Variants in DBF4B observed in about 807,000 individuals in gnomAD.
DBF4B encodes protein DBF4 homolog B.
In DBF4B, 49 loss-of-function variants were observed where a neutral mutation model predicts 53.4. The observed-to-expected ratio is 0.92, with a 90% CI of 0.73 to 1.16. The LOEUF is 1.16. DBF4B is among the 50% of genes most tolerant of loss of function. The probability of loss-of-function intolerance (pLI) is 0.00; values close to 1 mark genes in which losing one functional copy is unlikely to be tolerated. For synonymous variants in DBF4B, 257 were observed against 288.7 expected (o/e 0.89, Z 1.11); for missense variants, 692 against 775.0 (o/e 0.89, Z 1.27).
At chr17:44,750,526 T>C in intron 13 of DBF4B, 69 bp from the exon 14 acceptor site, 1 of 1,513,868 alleles carries the variant, frequency 6.6e-7, no homozygotes, top group Non-Finnish European at 8.8e-7. Flanking sequence ...TGTAAATAAA[T>C]TTGTTAATTA....
chr17:44,733,863 A>C (rs1045571078), intron 6 of DBF4B: 6 of 553,242 alleles, frequency 1.1e-5, no homozygotes, highest in Admixed American at 3.1e-5. Context: ...TCAATGCTGC[A>C]AAAGAGCATG....
intron 6 of DBF4B, chr17:44,733,803 A>G (rs1197605299): frequency 5.1e-6 from 2 of 394,746 alleles, no homozygotes; most frequent in East Asian, 4.7e-5. Flanking sequence ...GTGGTGCCTT[A>G]AAGTCCTTAG....
intron 9 of DBF4B, among the ~76,000 whole-genome samples, chr17:44,740,060 C>A (rs1218133709): frequency 6.6e-6 from 1 of 152,116 alleles, no homozygotes; most frequent in Non-Finnish European, 1.5e-5. Flanking sequence ...CAGTGCCCAG[C>A]CTCTTGTGAT....
Position 44,752,096 on chromosome 17 carries a change from C to T in DBF4B, c.*843C>T, listed in dbSNP as rs2049288196. ...CAGATGTGACCGATTGGTAGCTCCACCCCAACTCCCTTCTGCTGGGTGGAA... is the reference window on the plus strand; with the variant it reads ...CAGATGTGACCGATTGGTAGCTCCATCCCAACTCCCTTCTGCTGGGTGGAA... On this transcript the variant is annotated 3_prime_UTR_variant, in exon 14 of 14. Transcript: ENST00000315005. 2.7e-6 allele frequency: 3 copies of T among 1,098,690 alleles called. No individual in the cohort carries two copies. Among genetic ancestry groups the T allele is most frequent in the African/African-American group, 1.5e-5 (1 of 64,614 alleles). The allele number at this position is 1,098,690 out of a possible 1,614,324, so 68.1% of individuals were successfully genotyped here.
At chr17:44,723,076 A>C in intron 3 of DBF4B, 54 bp downstream of exon 3, 1 of 1,603,888 alleles carries the variant, frequency 6.2e-7, no homozygotes, top group Non-Finnish European at 8.5e-7. Context: ...GGCTTAGAGC[A>C]GGAGTTGGAT....
Position 44,751,415 on chromosome 17 carries a change from G to A in DBF4B, c.*162G>A. On this transcript the variant is annotated 3_prime_UTR_variant, in exon 14 of 14. Coordinates refer to ENST00000315005, the MANE Select transcript of DBF4B (RefSeq NM_145663.3). ...AGATGACTTTTACCCAGACCCAGTG[G>A]GCATTGCCTTATCTTGCAGTCAGTC... 7.0e-7 allele frequency: 1 copy of A among 1,429,590 alleles called. No homozygotes were observed. The highest frequency in any genetic ancestry group is 1.5e-5 in the South Asian group (1 of 64,954). The allele number at this position is 1,429,590 out of a possible 1,614,324, so 88.6% of individuals were successfully genotyped here.
chr17:44,725,621 T>C (rs941427290), intron 3 of DBF4B, among the ~76,000 whole-genome samples: 2 of 151,056 alleles, frequency 1.3e-5, no homozygotes, highest in Admixed American at 6.6e-5. Context: ...TCCTTGATAC[T>C]CCTAGCCCTT....
chr17:44,738,817 ACAT>A (rs1394437010), intron 9 of DBF4B, among the ~76,000 whole-genome samples: 1 of 152,208 alleles, frequency 6.6e-6, no homozygotes, highest in Non-Finnish European at 1.5e-5. Flanking sequence ...ATAGTCCAAG[ACAT>A]CATCTTGGCT....
In DBF4B at chr17:44,750,966, C is replaced by G. The variant is rs776801174; in HGVS notation, c.1561C>G (p.Leu521Val). 6.2e-7 allele frequency: 1 copy of G among 1,614,180 alleles called. No individual in the cohort carries two copies. Among genetic ancestry groups the G allele is most frequent in the South Asian group, 1.1e-5 (1 of 91,082 alleles). The change falls in exon 14 of 14, where the codon CTC becomes GTC. Residue 521 changes from leucine to valine, a missense_variant. Leu to Val is a conservative substitution (Grantham distance 32). Coordinates refer to ENST00000315005, the MANE Select transcript of DBF4B (RefSeq NM_145663.3). ...RPFPFVTWGC[L>V]IPHDTTPLHE... ...CTTTCCTTTTGTGACATGGGGTTGC[C>G]TCATTCCCCATGACACCACCCCTCT...
chr17:44,709,086 G>A (rs920929214), intron 1 of DBF4B: 11 of 803,012 alleles, frequency 1.4e-5, no homozygotes, highest in Non-Finnish European at 2.1e-5. Context: ...TGGCCAAGAG[G>A]TCACGGCCGT....
Position 44,747,522 on chromosome 17 carries a change from G to C in DBF4B, c.1064+7G>C, listed in dbSNP as rs1244643204. 1 of 1,613,250 alleles carries C rather than the reference G, an allele frequency of 6.2e-7. No individual in the cohort carries two copies. The highest frequency in any genetic ancestry group is 8.5e-7 in the Non-Finnish European group (1 of 1,179,960). On this transcript the variant is annotated splice_region_variant and intron_variant, in intron 12 of 13. Transcript: ENST00000315005. ...TCCAGGCTGGCCTCCCCAGGTGAGT[G>C]CCACGCTGGCAGGCACAACTGTGTC...
At chr17:44,709,431 C>A in intron 2 of DBF4B, 65 bp downstream of exon 2, 1 of 1,538,238 alleles carries the variant, frequency 6.5e-7, no homozygotes, top group South Asian at 1.1e-5. Context: ...TGGAGAAGAC[C>A]GAAAAATGTT....
intron 10 of DBF4B, among the ~76,000 whole-genome samples, chr17:44,741,851 G>C (rs187554676): frequency 6.6e-6 from 1 of 152,082 alleles, no homozygotes; most frequent in Non-Finnish European, 1.5e-5. Flanking sequence ...TACCTCACTC[G>C]GCAGGGTTTA....
At chr17:44,724,291 G>T (rs1339459970) in intron 3 of DBF4B, among the ~76,000 whole-genome samples, 1 of 152,168 alleles carries the variant, frequency 6.6e-6, no homozygotes, top group Non-Finnish European at 1.5e-5. Flanking sequence ...CCGTTACTCA[G>T]TAGGCTGAGG....
chr17:44,712,385 AC>A (rs1972966400), intron 2 of DBF4B, among the ~76,000 whole-genome samples: 1 of 139,294 alleles, frequency 7.2e-6, no homozygotes, highest in African/African-American at 2.7e-5. Context: ...GCTCACTGCA[AC>A]CTCTGCCTCC....
intron 1 of DBF4B, chr17:44,709,086 G>T: frequency 1.2e-6 from 1 of 803,130 alleles, no homozygotes; most frequent in East Asian, 2.5e-5. Flanking sequence ...TGGCCAAGAG[G>T]TCACGGCCGT....
At chr17:44,728,703 G>C (rs577378376) in intron 3 of DBF4B, among the ~76,000 whole-genome samples, 23 of 151,976 alleles carry the variant, frequency 1.5e-4, no homozygotes, top group African/African-American at 5.1e-4. Context: ...TGTAGTCTCA[G>C]CTATTCGGGA....
intron 10 of DBF4B, among the ~76,000 whole-genome samples, chr17:44,743,216 A>G (rs188156545): frequency 7.9e-5 from 12 of 152,324 alleles, no homozygotes; most frequent in Admixed American, 3.3e-4. Context: ...AAGATGAAGC[A>G]ATGAAGCTTT....
chr17:44,732,141 G>A (rs1568180724), intron 5 of DBF4B, 37 bp from the exon 6 acceptor site: 1 of 1,608,978 alleles, frequency 6.2e-7, no homozygotes, highest in Non-Finnish European at 8.5e-7. Context: ...GCCTTGGGGA[G>A]TCTCTGCTCC....
Sources: allele counts gnomAD v4.1 joint callset (sites outside exome capture counted in the v4.1 genomes callset), GRCh38; gene constraint gnomAD v4.1.1; transcripts MANE v1.5; gene names NCBI Gene and HGNC (gene_info 2026-07-23, HGNC 2026-07-21).